LRCH1: variants seen among roughly 807,000 people sequenced by gnomAD.
LRCH1 encodes leucine rich repeats and calponin homology domain containing 1.
In LRCH1, 23 loss-of-function variants were observed where a neutral mutation model predicts 94.9. That is an observed-to-expected ratio of 0.24 (90% CI 0.17 to 0.34). The LOEUF (loss-of-function observed/expected upper bound fraction) is 0.34, where lower values mean the gene tolerates loss of function less well. Among genes scored for constraint, LRCH1 ranks in the 10% least tolerant of loss-of-function variants. The probability of loss-of-function intolerance (pLI) is 1.00; values close to 1 mark genes in which losing one functional copy is unlikely to be tolerated. For missense variants in LRCH1, 790 were observed against 945.9 expected (o/e 0.84, Z 2.16); for synonymous variants, 364 against 354.9 (o/e 1.03, Z -0.29).
intron 18 of LRCH1, among the ~76,000 whole-genome samples, chr13:46,730,940 T>C (rs1041610890): frequency 1.3e-5 from 2 of 152,242 alleles, no homozygotes; most frequent in Non-Finnish European, 2.9e-5. Flanking sequence ...AGAAATCTTT[T>C]GGTTTTCACC....
rs981237639 is a variant in LRCH1, at chr13:46,553,352, C to G, written c.-45C>G. On this transcript the variant is annotated 5_prime_UTR_variant, in exon 1 of 20. Transcript: ENST00000389797. ...TTCCCCTCGCGGGGAACGCTGTGAC[C>G]CCCCCGCAGGAGCGGCGGGGCGGGG... The G allele has an allele frequency of 9.5e-6, 14 of 1,470,910 alleles. No individual in the cohort carries two copies. In the African/African-American group the frequency reaches 1.8e-4, roughly 19 times the overall value. 91.1% of individuals were successfully genotyped at this position (1,470,910 alleles called of 1,614,324 possible).
intron 13 of LRCH1, among the ~76,000 whole-genome samples, chr13:46,706,372 C>T (rs1871760372): frequency 6.6e-6 from 1 of 152,184 alleles, no homozygotes. Context: ...GCTTACTTCT[C>T]TATTATTGTT....
intron 1 of LRCH1, among the ~76,000 whole-genome samples, chr13:46,625,020 C>T (rs2050927958): frequency 6.6e-6 from 1 of 152,216 alleles, no homozygotes; most frequent in Admixed American, 6.5e-5. Context: ...TCTATTCAGC[C>T]TTACTTCTGC....
intron 18 of LRCH1, among the ~76,000 whole-genome samples, chr13:46,729,715 T>C (rs905933861): frequency 6.6e-6 from 1 of 152,234 alleles, no homozygotes. Context: ...ACTTCCCTTC[T>C]AAATTGAATC....
intron 2 of LRCH1, among the ~76,000 whole-genome samples, chr13:46,664,753 T>C (rs1029093804): frequency 1.3e-5 from 2 of 152,224 alleles, no homozygotes; most frequent in Non-Finnish European, 2.9e-5. Context: ...GGATGTGGTG[T>C]TGGGCTAAGC....
chr13:46,736,649 A>C (rs533329047), intron 19 of LRCH1, among the ~76,000 whole-genome samples: 1 of 152,356 alleles, frequency 6.6e-6, no homozygotes, highest in South Asian at 2.1e-4. Context: ...TGTTGCATCA[A>C]GCTTAATATT....
At chr13:46,713,556 A>T (rs1872177062) in intron 15 of LRCH1, among the ~76,000 whole-genome samples, 1 of 152,246 alleles carries the variant, frequency 6.6e-6, no homozygotes, top group Non-Finnish European at 1.5e-5. Flanking sequence ...ACAAGTGGCC[A>T]GGTGTAATGG....
At chr13:46,661,807 T>TTATTATAAAATATTATCATAATA (rs1184011097) in intron 2 of LRCH1, among the ~76,000 whole-genome samples, 1 of 152,242 alleles carries the variant, frequency 6.6e-6, no homozygotes, top group Non-Finnish European at 1.5e-5. Context: ...ATTATGAATA[T>TTATTATAAAATATTATCATAATA]TTTTATTACC....
intron 1 of LRCH1, among the ~76,000 whole-genome samples, chr13:46,635,467 C>CT (rs35362550): frequency 0.18 from 17,481 of 96,524 alleles, 2,472 homozygotes; most frequent in East Asian, 0.25. Context: ...CCCCTCCCAC[C>CT]TTTTTTTTTT....
intron 3 of LRCH1, among the ~76,000 whole-genome samples, chr13:46,670,791 C>T (rs752671509): frequency 6.6e-6 from 1 of 150,838 alleles, no homozygotes; most frequent in South Asian, 2.1e-4. Context: ...TTAAATAAGC[C>T]CATGTGGGAT....
At chr13:46,731,827 C>T (rs1241262986) in intron 18 of LRCH1, among the ~76,000 whole-genome samples, 1 of 152,168 alleles carries the variant, frequency 6.6e-6, no homozygotes, top group Non-Finnish European at 1.5e-5. Context: ...CCCAAATCTC[C>T]TTGGTTCTTC....
chr13:46,719,739 T>C (rs755353922), intron 16 of LRCH1, among the ~76,000 whole-genome samples: 4 of 152,242 alleles, frequency 2.6e-5, no homozygotes, highest in Non-Finnish European at 4.4e-5. Context: ...AGCTCACGCC[T>C]GAATTCCCAG....
chr13:46,671,265 G>T (rs1360918516), intron 3 of LRCH1, among the ~76,000 whole-genome samples: 2 of 152,192 alleles, frequency 1.3e-5, no homozygotes, highest in South Asian at 4.1e-4. Context: ...GCCTGAGTTA[G>T]GTGCTCCTAA....
downstream of LRCH1, among the ~76,000 whole-genome samples, chr13:46,745,441 G>T (rs995446228): frequency 6.6e-6 from 1 of 152,052 alleles, no homozygotes; most frequent in Non-Finnish European, 1.5e-5. Flanking sequence ...TGGGATGGTG[G>T]TGTTTCCACT....
chr13:46,590,567 A>C (rs1337067118), intron 1 of LRCH1, among the ~76,000 whole-genome samples: 1 of 152,210 alleles, frequency 6.6e-6, no homozygotes, highest in Non-Finnish European at 1.5e-5. Context: ...TAGGAGGCTA[A>C]GGCAGGAGGA....
chr13:46,573,868 T>TATA (rs1374087114), intron 1 of LRCH1, among the ~76,000 whole-genome samples: 49 of 40,462 alleles, frequency 1.2e-3, no homozygotes, highest in African/African-American at 3.7e-3. Flanking sequence ...ATATATATAT[T>TATA]TTTTTTTTTT....
In LRCH1 at chr13:46,744,162, G is replaced by T; in HGVS notation, c.*2314G>T. ...CGTGCACCAGCCCATATGCTAACTG[G>T]ATGCCTGCGGATGCCTGCCCTTGCA... On this transcript the variant is annotated 3_prime_UTR_variant, in exon 20 of 20. Coordinates refer to ENST00000389797, the MANE Select transcript of LRCH1 (RefSeq NM_001164211.2). 1.0e-6 allele frequency: 1 copy of T among 985,356 alleles called. No homozygotes were observed. The highest frequency in any genetic ancestry group is 1.2e-6 in the Non-Finnish European group (1 of 829,920). The allele number at this position is 985,356 out of a possible 1,614,324, so 61.0% of individuals were successfully genotyped here. A position where few individuals can be genotyped will look rare whatever the true frequency, so the allele number is the denominator to read the frequency against.
At chr13:46,675,210 T>C (rs2051655179) in intron 3 of LRCH1, among the ~76,000 whole-genome samples, 1 of 152,260 alleles carries the variant, frequency 6.6e-6, no homozygotes, top group Non-Finnish European at 1.5e-5. Context: ...ATAAATGCCA[T>C]GTGTTATAAT....
chr13:46,684,552 T>G (rs1396415971), intron 4 of LRCH1, among the ~76,000 whole-genome samples: 3 of 152,220 alleles, frequency 2.0e-5, no homozygotes, highest in African/African-American at 7.2e-5. Context: ...CTAAGCTAAC[T>G]TTAATTAACC....
Sources: gnomAD v4.1 joint callset for allele counts (sites outside exome capture counted in the v4.1 genomes callset) on GRCh38, gnomAD v4.1.1 for gene constraint, MANE v1.5 for transcripts, NCBI Gene and HGNC (gene_info 2026-07-23, HGNC 2026-07-21) for gene names.